NRXN3: variants seen among roughly 807,000 people sequenced by gnomAD.
NRXN3 encodes the protein neurexin 3.
NRXN3 carries 32 observed loss-of-function variants against 137.6 expected under a neutral mutation model. The observed-to-expected ratio is 0.23, with a 90% CI of 0.18 to 0.31. The LOEUF (loss-of-function observed/expected upper bound fraction) is 0.31, where lower values mean the gene tolerates loss of function less well. Among genes scored for constraint, NRXN3 ranks in the 10% least tolerant of loss-of-function variants. NRXN3 has a pLI of 1.00. For synonymous variants in NRXN3, 798 were observed against 784.5 expected (o/e 1.02, Z -0.29); for missense variants, 1,574 against 2,062.5 (o/e 0.76, Z 4.59).
intron 20 of NRXN3, chr14:79,823,748 A>T (rs946161950): frequency 8.3e-6 from 2 of 239,846 alleles, no homozygotes; most frequent in African/African-American, 4.4e-5. Flanking sequence ...GTAATTTTTT[A>T]AAAATAGTGA....
At chr14:79,314,821 G>T (rs1362837857) in intron 15 of NRXN3, among the ~76,000 whole-genome samples, 2 of 147,844 alleles carry the variant, frequency 1.4e-5, no homozygotes, top group African/African-American at 5.0e-5. Flanking sequence ...ACCTCACACG[G>T]CAGGGTATTC....
chr14:78,654,647 C>T (rs540926956), intron 6 of NRXN3, among the ~76,000 whole-genome samples: 12 of 152,218 alleles, frequency 7.9e-5, no homozygotes, highest in Non-Finnish European at 1.5e-4. Flanking sequence ...TGGTTCTCTA[C>T]ACACCTTAGT....
chr14:78,235,016 A>G (rs868593135), intron 1 of NRXN3, among the ~76,000 whole-genome samples: 25 of 94,044 alleles, frequency 2.7e-4, no homozygotes, highest in African/African-American at 9.6e-4. Context: ...ATATATATAT[A>G]TATATATGTG....
At chr14:79,359,773 GTT>G (rs955929292) in intron 15 of NRXN3, among the ~76,000 whole-genome samples, 2 of 151,514 alleles carry the variant, frequency 1.3e-5, no homozygotes, top group Admixed American at 1.3e-4. Context: ...GTTTCACCAT[GTT>G]GAGCAGAGCA....
chr14:79,737,722 CTT>C (rs11393741), intron 19 of NRXN3, among the ~76,000 whole-genome samples: 1 of 150,862 alleles, frequency 6.6e-6, no homozygotes, highest in Non-Finnish European at 1.5e-5. Flanking sequence ...GCATTCTTTT[CTT>C]TCTTTCTTTT....
intron 10 of NRXN3, among the ~76,000 whole-genome samples, chr14:78,927,651 T>C (rs998290173): frequency 3.3e-5 from 5 of 152,176 alleles, no homozygotes; most frequent in African/African-American, 1.2e-4. Flanking sequence ...GTGGGTTATT[T>C]AAGCTTTTTG....
intron 15 of NRXN3, among the ~76,000 whole-genome samples, chr14:79,164,698 A>G (rs1171447115): frequency 1.3e-5 from 2 of 152,028 alleles, no homozygotes; most frequent in African/African-American, 2.4e-5. Flanking sequence ...ATACTATACA[A>G]GTAATTAAAC....
Position 79,705,360 on chromosome 14 carries a change from C to T in NRXN3, c.4014+7423C>T, listed in dbSNP as rs755242273. Among the ~76,000 whole-genome samples, 5 of 152,100 alleles carry T rather than the reference C, an allele frequency of 3.3e-5. 1 individual carries two copies. Among genetic ancestry groups the T allele is most frequent in the Non-Finnish European group, 5.9e-5 (4 of 68,018 alleles). ...TGACCATATTTTCCACCACGTTGCT[C>T]CAATCACACAGGTCTTCTTGATCCT... On this transcript the variant is annotated intron_variant, in intron 19 of 20. Coordinates refer to ENST00000335750, the MANE Select transcript of NRXN3 (RefSeq NM_001330195.2).
At chr14:78,691,013 A>G (rs923729008) in intron 6 of NRXN3, among the ~76,000 whole-genome samples, 1 of 152,128 alleles carries the variant, frequency 6.6e-6, no homozygotes, top group Middle Eastern at 3.2e-3. Context: ...AAATTTGGAA[A>G]AGGAGCTGAC....
intron 15 of NRXN3, among the ~76,000 whole-genome samples, chr14:79,105,762 T>C (rs756617454): frequency 1.3e-5 from 2 of 152,292 alleles, no homozygotes; most frequent in East Asian, 1.9e-4. Flanking sequence ...TTTCTAATTA[T>C]ATCTGGCACT....
chr14:78,926,836 TAAA>T (rs1213462885), intron 10 of NRXN3, among the ~76,000 whole-genome samples: 267 of 24,626 alleles, frequency 0.011, 11 homozygotes, highest in Middle Eastern at 0.1. Context: ...ATAATTTATA[TAAA>T]TATATAATAT....
chr14:79,235,168 G>A (rs1313756956), intron 15 of NRXN3, among the ~76,000 whole-genome samples: 1 of 152,072 alleles, frequency 6.6e-6, no homozygotes. Flanking sequence ...CAACTTTTCA[G>A]AGCATGTCTC....
intron 4 of NRXN3, among the ~76,000 whole-genome samples, chr14:78,501,404 G>A (rs943723323): frequency 6.6e-5 from 10 of 152,140 alleles, no homozygotes; most frequent in African/African-American, 1.9e-4. Flanking sequence ...TCCATAGAGC[G>A]GCCCATGGCA....
chr14:79,014,045 T>G (rs1229031856), intron 15 of NRXN3, among the ~76,000 whole-genome samples: 3 of 152,176 alleles, frequency 2.0e-5, no homozygotes. Context: ...GGCACCATCA[T>G]TCACTAAAGT....
intron 4 of NRXN3, among the ~76,000 whole-genome samples, chr14:78,318,834 G>A (rs1400549078): frequency 3.9e-5 from 6 of 152,210 alleles, no homozygotes; most frequent in African/African-American, 1.4e-4. Flanking sequence ...TCTTGAAAGG[G>A]CTGCTGCCTC....
intron 4 of NRXN3, among the ~76,000 whole-genome samples, chr14:78,506,902 G>C (rs1187970988): frequency 1.3e-5 from 2 of 151,804 alleles, no homozygotes; most frequent in African/African-American, 2.4e-5. Context: ...TATAATTGTA[G>C]GCCATTTTTG....
At chr14:78,860,071 G>A (rs1258636358) in intron 10 of NRXN3, among the ~76,000 whole-genome samples, 3 of 152,088 alleles carry the variant, frequency 2.0e-5, no homozygotes, top group Non-Finnish European at 4.4e-5. Context: ...ATGCTCAGGT[G>A]TAATATGCTA....
In NRXN3 at chr14:78,966,418, G is replaced by A. The variant is rs762403038; in HGVS notation, c.2777+12G>A. On this transcript the variant is annotated intron_variant, in intron 12 of 20. Coordinates refer to ENST00000335750, the MANE Select transcript of NRXN3 (RefSeq NM_001330195.2). ...GAGCTTGTCAAGGGGTAAGTAGAAG[G>A]GATCACGACTTATGTTGGACACCTT... The A allele has an allele frequency of 1.2e-6, 2 of 1,603,052 alleles. No homozygotes were observed. Among genetic ancestry groups the A allele is most frequent in the African/African-American group, 1.3e-5 (1 of 74,530 alleles).
At chr14:79,275,466 T>C (rs932179268) in intron 15 of NRXN3, among the ~76,000 whole-genome samples, 2 of 152,036 alleles carry the variant, frequency 1.3e-5, no homozygotes, top group Non-Finnish European at 1.5e-5. Flanking sequence ...GGCAGCAAAG[T>C]GGCAAGTCAG....
Sources: gnomAD v4.1 joint callset for allele counts (sites outside exome capture counted in the v4.1 genomes callset) on GRCh38, gnomAD v4.1.1 for gene constraint, MANE v1.5 for transcripts, NCBI Gene and HGNC (gene_info 2026-07-23, HGNC 2026-07-21) for gene names.